EYA2: variants seen among roughly 807,000 people sequenced by gnomAD.
EYA2 encodes protein phosphatase EYA2.
In EYA2, 31 loss-of-function variants were observed where a neutral mutation model predicts 69.2. That is an observed-to-expected ratio of 0.45 (90% CI 0.34 to 0.60). The LOEUF (loss-of-function observed/expected upper bound fraction) is 0.60. Ranked by LOEUF, EYA2 falls within the 20% of genes least tolerant of loss-of-function variation. The pLI, the probability that EYA2 is intolerant of heterozygous loss-of-function variation, is 0.02. For missense variants in EYA2, 622 were observed against 701.2 expected, an observed-to-expected ratio of 0.89 and a Z score of 1.28; for synonymous variants, 257 against 279.4, an observed-to-expected ratio of 0.92 and a Z score of 0.80.
chr20:47,109,211 A>G (rs1219222500), intron 9 of EYA2, among the ~76,000 whole-genome samples: 1 of 152,146 alleles, frequency 6.6e-6, no homozygotes. Flanking sequence ...CCTCCTGAAC[A>G]AATTCCTCAA....
chr20:47,143,225 C>T, intron 10 of EYA2, 77 bp downstream of exon 10: 1 of 1,202,130 alleles, frequency 8.3e-7, no homozygotes, highest in Non-Finnish European at 1.2e-6. Context: ...AAGGATGCTG[C>T]CTTTCCTTTC....
intron 1 of EYA2, among the ~76,000 whole-genome samples, chr20:46,985,606 A>G (rs746666757): frequency 5.3e-5 from 8 of 152,196 alleles, no homozygotes; most frequent in Non-Finnish European, 1.2e-4. Flanking sequence ...GCAAATGCCT[A>G]TAGGGACCAG....
At chr20:47,157,495 C>T (rs775617220) in intron 10 of EYA2, among the ~76,000 whole-genome samples, 1 of 151,350 alleles carries the variant, frequency 6.6e-6, no homozygotes, top group Non-Finnish European at 1.5e-5. Context: ...TTGGAAAGAC[C>T]GTTAAAATAG....
At chr20:47,013,965 C>T (rs955886966) in intron 4 of EYA2, among the ~76,000 whole-genome samples, 7 of 152,114 alleles carry the variant, frequency 4.6e-5, no homozygotes, top group African/African-American at 1.7e-4. Flanking sequence ...CAGAGTTATC[C>T]GCCAATTGCT....
At chr20:46,983,189 A>T (rs1150447) in intron 1 of EYA2, among the ~76,000 whole-genome samples, 74,365 of 152,048 alleles carry the variant, frequency 0.49, 20,308 homozygotes, top group African/African-American at 0.71. Flanking sequence ...CTTCAATAGC[A>T]GAATCTCGTG....
intron 1 of EYA2, among the ~76,000 whole-genome samples, chr20:46,937,227 C>T (rs1985948536): frequency 1.3e-5 from 2 of 152,090 alleles, no homozygotes; most frequent in Non-Finnish European, 2.9e-5. Flanking sequence ...GGAACTTCAT[C>T]GAGAAAAAGG....
chr20:46,963,643 G>A (rs540683733), intron 1 of EYA2, among the ~76,000 whole-genome samples: 1 of 152,200 alleles, frequency 6.6e-6, no homozygotes, highest in Non-Finnish European at 1.5e-5. Context: ...GATTCATTTG[G>A]TCTGAAGTGG....
chr20:46,967,053 C>A (rs369138567), intron 1 of EYA2, among the ~76,000 whole-genome samples: 3 of 152,082 alleles, frequency 2.0e-5, no homozygotes, highest in Non-Finnish European at 4.4e-5. Context: ...AGTGCAGTGA[C>A]GAAATCTCAG....
rs1049008398 is a variant in EYA2, at chr20:47,188,256, G to A, written c.*123G>A. ...CAGGAAGGGGCCCCACAGCCGAGAC[G>A]ACGTGTCCAGTGACCATCTCAGAAG... is the stretch of plus-strand genomic sequence containing the variant. On this transcript the variant is annotated 3_prime_UTR_variant, in exon 16 of 16. Coordinates refer to ENST00000327619, the MANE Select transcript of EYA2 (RefSeq NM_005244.5). 4.8e-5 allele frequency: 40 copies of A among 840,504 alleles called. No homozygotes were observed. In the African/African-American group the frequency reaches 6.6e-4, roughly 14 times the overall value. The allele number at this position is 840,504 out of a possible 1,614,324, so 52.1% of individuals were successfully genotyped here. A position where few individuals can be genotyped will look rare whatever the true frequency, so the allele number is the denominator to read the frequency against.
At chr20:47,056,570 G>A (rs528379829) in intron 5 of EYA2, among the ~76,000 whole-genome samples, 1 of 152,260 alleles carries the variant, frequency 6.6e-6, no homozygotes, top group East Asian at 1.9e-4. Context: ...CACCACATAA[G>A]CCAGATAAAC....
At chr20:46,928,509 CAA>C (rs1321571729) in intron 1 of EYA2, among the ~76,000 whole-genome samples, 1 of 152,124 alleles carries the variant, frequency 6.6e-6, no homozygotes, top group Non-Finnish European at 1.5e-5. Flanking sequence ...ATTTTATAGA[CAA>C]AGAGACTGAG....
At chr20:47,137,333 C>G (rs924814110) in intron 9 of EYA2, among the ~76,000 whole-genome samples, 6 of 152,128 alleles carry the variant, frequency 3.9e-5, no homozygotes, top group African/African-American at 1.4e-4. Flanking sequence ...CTTAAAGGCT[C>G]AAGGAAGGGG....
At chr20:46,915,936 G>C (rs1228502040) in intron 1 of EYA2, among the ~76,000 whole-genome samples, 1 of 152,122 alleles carries the variant, frequency 6.6e-6, no homozygotes, top group Non-Finnish European at 1.5e-5. Flanking sequence ...TAAGAGAAAA[G>C]TGAAGTATTT....
chr20:46,999,931 A>G (rs887827081), intron 2 of EYA2, among the ~76,000 whole-genome samples: 2 of 152,210 alleles, frequency 1.3e-5, no homozygotes, highest in Non-Finnish European at 2.9e-5. Flanking sequence ...AGCAGTTAAC[A>G]AGGGCCTGGC....
chr20:47,179,256 G>A (rs6012128), intron 12 of EYA2, among the ~76,000 whole-genome samples: 18,256 of 144,122 alleles, frequency 0.13, 3,798 homozygotes, highest in African/African-American at 0.44. Context: ...ATAGGTGGGT[G>A]GGTAGATGGG....
chr20:47,061,249 T>C (rs1486354257), intron 5 of EYA2, among the ~76,000 whole-genome samples: 1 of 152,160 alleles, frequency 6.6e-6, no homozygotes, highest in Non-Finnish European at 1.5e-5. Context: ...AAATCAGGCC[T>C]GGCATGCTGG....
chr20:46,978,784 C>T (rs1980623768), intron 1 of EYA2: 1 of 489,468 alleles, frequency 2.0e-6, no homozygotes, highest in African/African-American at 2.0e-5. Context: ...TGGGCGATGG[C>T]CATGGAGGTG....
intron 9 of EYA2, among the ~76,000 whole-genome samples, chr20:47,107,072 C>G (rs925412235): frequency 6.6e-6 from 1 of 152,138 alleles, no homozygotes; most frequent in Non-Finnish European, 1.5e-5. Context: ...TGTGCATTTT[C>G]TCATTTTATT....
chr20:46,943,506 C>T (rs1050631719), intron 1 of EYA2, among the ~76,000 whole-genome samples: 1 of 152,134 alleles, frequency 6.6e-6, no homozygotes, highest in Non-Finnish European at 1.5e-5. Context: ...CTCTGGGGCC[C>T]TGGGAACTGC....
Sources: gnomAD v4.1 joint callset for allele counts (sites outside exome capture counted in the v4.1 genomes callset) on GRCh38, gnomAD v4.1.1 for gene constraint, MANE v1.5 for transcripts, NCBI Gene and HGNC (gene_info 2026-07-23, HGNC 2026-07-21) for gene names.